Variants in SYNDIG1 observed in about 807,000 individuals in gnomAD.
SYNDIG1 encodes the protein synapse differentiation-inducing gene protein 1.
SYNDIG1 carries 9 observed loss-of-function variants against 19.4 expected under a neutral mutation model. The observed-to-expected ratio is 0.46, with a 90% confidence interval of 0.28 to 0.81. The LOEUF (loss-of-function observed/expected upper bound fraction) is 0.81. SYNDIG1 is among the 30% of genes least tolerant of loss of function. The pLI is 0.12. For missense variants in SYNDIG1, 311 were observed against 343.3 expected, an observed-to-expected ratio of 0.91 and a Z score of 0.74; for synonymous variants, 141 against 145.9, an observed-to-expected ratio of 0.97 and a Z score of 0.24.
At chr20:24,512,356 G>A (rs1181075967) in intron 1 of SYNDIG1, among the ~76,000 whole-genome samples, 2 of 151,410 alleles carry the variant, frequency 1.3e-5, no homozygotes, top group African/African-American at 4.9e-5. Context: ...CCTCGCCCGG[G>A]AAGCACAGGG....
chr20:24,507,111 C>T (rs748752146), intron 1 of SYNDIG1, among the ~76,000 whole-genome samples: 4 of 152,170 alleles, frequency 2.6e-5, no homozygotes, highest in African/African-American at 9.7e-5. Context: ...ACACACACTT[C>T]GTCATCAGCC....
At chr20:24,586,635 C>G (rs112626640) in intron 3 of SYNDIG1, among the ~76,000 whole-genome samples, 58 of 152,326 alleles carry the variant, frequency 3.8e-4, no homozygotes, top group African/African-American at 1.3e-3. Flanking sequence ...AACGCACCCC[C>G]GAAGCCTCCC....
intron 3 of SYNDIG1, among the ~76,000 whole-genome samples, chr20:24,598,045 G>T (rs1045671675): frequency 2.0e-5 from 3 of 152,182 alleles, no homozygotes; most frequent in Admixed American, 6.5e-5. Context: ...GTTAAAGAGG[G>T]TAATAACATT....
At position 24,543,359 on chromosome 20, in the gene SYNDIG1, C is replaced by G; in HGVS notation, c.262C>G (p.Arg88Gly). 6.2e-7 allele frequency: 1 copy of G among 1,613,630 alleles called. No individual in the cohort carries two copies. The highest frequency in any genetic ancestry group is 8.5e-7 in the Non-Finnish European group (1 of 1,180,034). ...TLQQSVESRY[R>G]PNIILYSEGV... is the part of the protein sequence containing the mutation. The stretch of plus-strand genomic sequence containing the variant: ...GCAGCAGTCAGTGGAGTCCCGCTAC[C>G]GGCCCAACATCATCCTCTATTCAGA... Residue 88 changes from arginine to glycine, a missense_variant, in exon 2 of 4, where the codon CGG (arginine) becomes GGG (glycine). Coordinates refer to ENST00000376862, the MANE Select transcript of SYNDIG1 (RefSeq NM_024893.3).
At chr20:24,654,477 G>A (rs1171808347) in intron 3 of SYNDIG1, among the ~76,000 whole-genome samples, 1 of 152,104 alleles carries the variant, frequency 6.6e-6, no homozygotes, top group Non-Finnish European at 1.5e-5. Flanking sequence ...TAAGGAATAT[G>A]ATAGCCAAAT....
intron 1 of SYNDIG1, among the ~76,000 whole-genome samples, chr20:24,534,700 C>G (rs145546463): frequency 6.6e-6 from 1 of 152,228 alleles, no homozygotes; most frequent in East Asian, 1.9e-4. Flanking sequence ...AGGGTCCCTG[C>G]TGGTGGTCAC....
intron 1 of SYNDIG1, among the ~76,000 whole-genome samples, chr20:24,481,403 C>T (rs960367046): frequency 2.0e-5 from 3 of 152,178 alleles, no homozygotes; most frequent in Non-Finnish European, 4.4e-5. Flanking sequence ...AGCACCTACA[C>T]GTGACCTCTC....
chr20:24,483,855 C>T (rs2055872535), intron 1 of SYNDIG1, among the ~76,000 whole-genome samples: 1 of 152,132 alleles, frequency 6.6e-6, no homozygotes, highest in Non-Finnish European at 1.5e-5. Context: ...TGACACGGTG[C>T]AAGTGCAAGT....
At chr20:24,570,652 T>C in intron 2 of SYNDIG1, among the ~76,000 whole-genome samples, 1 of 152,194 alleles carries the variant, frequency 6.6e-6, no homozygotes, top group East Asian at 1.9e-4. Context: ...TTGAAAATAC[T>C]AGGTACTGGC....
At chr20:24,617,769 T>A (rs1055777634) in intron 3 of SYNDIG1, among the ~76,000 whole-genome samples, 72 of 131,038 alleles carry the variant, frequency 5.5e-4, no homozygotes, top group Non-Finnish European at 1.0e-3. Flanking sequence ...TTAAGGAGGG[T>A]CTGGGAGAGG....
chr20:24,557,411 C>T (rs2057843556), intron 2 of SYNDIG1, among the ~76,000 whole-genome samples: 1 of 152,158 alleles, frequency 6.6e-6, no homozygotes, highest in South Asian at 2.1e-4. Flanking sequence ...TCTTTCTGCT[C>T]TGTTTTTTTC....
chr20:24,661,432 AG>A, intron 3 of SYNDIG1, among the ~76,000 whole-genome samples: 1 of 144,126 alleles, frequency 6.9e-6, no homozygotes, highest in Non-Finnish European at 1.5e-5. Context: ...GGAAGGAGGG[AG>A]GAAGGAAGGA....
At chr20:24,660,799 C>T (rs2059576051) in intron 3 of SYNDIG1, among the ~76,000 whole-genome samples, 1 of 152,226 alleles carries the variant, frequency 6.6e-6, no homozygotes, top group Non-Finnish European at 1.5e-5. Context: ...GACCCAAGAC[C>T]ATGTCTGGTC....
At chr20:24,597,780 C>T (rs565567411) in intron 3 of SYNDIG1, among the ~76,000 whole-genome samples, 39 of 152,232 alleles carry the variant, frequency 2.6e-4, no homozygotes, top group African/African-American at 8.2e-4. Context: ...CCTTTGGAAG[C>T]AAAAGCACCA....
At chr20:24,633,461 A>G (rs138485696) in intron 3 of SYNDIG1, among the ~76,000 whole-genome samples, 32 of 152,198 alleles carry the variant, frequency 2.1e-4, no homozygotes, top group African/African-American at 7.7e-4. Context: ...AGAAATAAAC[A>G]TGGATCAATA....
chr20:24,591,988 C>A (rs1464595164), intron 3 of SYNDIG1, among the ~76,000 whole-genome samples: 1 of 152,228 alleles, frequency 6.6e-6, no homozygotes. Context: ...AAATAGCAGC[C>A]CTGCTTGCAG....
At chr20:24,486,141 G>A (rs561145234) in intron 1 of SYNDIG1, among the ~76,000 whole-genome samples, 2 of 152,350 alleles carry the variant, frequency 1.3e-5, no homozygotes, top group East Asian at 1.9e-4. Context: ...ACATCACAGG[G>A]TAGGTGTGGG....
chr20:24,540,387 AT>A (rs2057445655), intron 1 of SYNDIG1, among the ~76,000 whole-genome samples: 1 of 151,888 alleles, frequency 6.6e-6, no homozygotes, highest in Non-Finnish European at 1.5e-5. Flanking sequence ...TTCTTGCCTA[AT>A]TTCTCTGGCT....
At chr20:24,501,705 T>C (rs6049741) in intron 1 of SYNDIG1, among the ~76,000 whole-genome samples, 2 of 152,376 alleles carry the variant, frequency 1.3e-5, no homozygotes, top group African/African-American at 4.8e-5. Context: ...ACGTATTTCA[T>C]GGTAAGCTTA....
Sources: allele counts gnomAD v4.1 joint callset (sites outside exome capture counted in the v4.1 genomes callset), GRCh38; gene constraint gnomAD v4.1.1; transcripts MANE v1.5; gene names NCBI Gene and HGNC (gene_info 2026-07-23, HGNC 2026-07-21).